CFDP1: variants seen among roughly 807,000 people sequenced by gnomAD.
CFDP1 encodes the protein heterochromatin-stabilizing protein CFDP1.
CFDP1 carries 31 observed loss-of-function variants against 40.1 expected under a neutral mutation model. The ratio of observed to expected loss-of-function variants is 0.77; its 90% CI spans 0.58 to 1.04. The LOEUF (loss-of-function observed/expected upper bound fraction) is 1.04. CFDP1 is among the 50% of genes least tolerant of loss of function. The pLI is 0.00. For missense variants in CFDP1, 423 were observed against 343.4 expected (o/e 1.23, Z -1.83); for synonymous variants, 167 against 120.0 (o/e 1.39, Z -2.56).
intron 5 of CFDP1, among the ~76,000 whole-genome samples, chr16:75,354,799 AT>A: frequency 6.6e-6 from 1 of 152,374 alleles, no homozygotes; most frequent in Non-Finnish European, 1.5e-5. Context: ...GGAAATTATA[AT>A]AAAGAGTGGA....
intron 5 of CFDP1, among the ~76,000 whole-genome samples, chr16:75,378,202 A>G (rs756908128): frequency 1.1e-4 from 16 of 152,180 alleles, no homozygotes; most frequent in Admixed American, 2.6e-4. Context: ...CACTTCTACA[A>G]CTAGAGGACA....
chr16:75,294,099 G>T, intron 6 of CFDP1, 57 bp from the exon 7 acceptor site: 1 of 1,293,810 alleles, frequency 7.7e-7, no homozygotes, highest in Non-Finnish European at 1.1e-6. Flanking sequence ...CTCCTCCCCT[G>T]CACAGTCCCA....
In CFDP1 at chr16:75,433,425, A is replaced by C. The variant is rs2079451665; in HGVS notation, c.-73T>G. ...CCTCCAACGGCAAAGCTCTAGGGAGAGACCATAGAGCCCCGGCGGCGGCGA... is the reference window on the plus strand; with the variant it reads ...CCTCCAACGGCAAAGCTCTAGGGAGCGACCATAGAGCCCCGGCGGCGGCGA... On this transcript the variant is annotated 5_prime_UTR_variant, in exon 1 of 7. Coordinates refer to ENST00000283882, the MANE Select transcript of CFDP1 (RefSeq NM_006324.3). 6.9e-7 allele frequency: 1 copy of C among 1,443,154 alleles called. No homozygotes were observed. The highest frequency in any genetic ancestry group is 2.0e-5 in the Admixed American group (1 of 50,808). The allele number at this position is 1,443,154 out of a possible 1,614,324, so 89.4% of individuals were successfully genotyped here. A position where few individuals can be genotyped will look rare whatever the true frequency, so the allele number is the denominator to read the frequency against.
intron 5 of CFDP1, among the ~76,000 whole-genome samples, chr16:75,330,367 A>T (rs1278900519): frequency 6.6e-6 from 1 of 152,232 alleles, no homozygotes; most frequent in East Asian, 1.9e-4. Context: ...CAGGTGGATC[A>T]CTTGAGGTCA....
At chr16:75,300,918 A>AG (rs2151498492) in intron 6 of CFDP1, among the ~76,000 whole-genome samples, 1 of 152,260 alleles carries the variant, frequency 6.6e-6, no homozygotes, top group East Asian at 1.9e-4. Context: ...GGCCCAGGGA[A>AG]GGAAAAAAAG....
chr16:75,345,286 GTC>G (rs1458302952), intron 5 of CFDP1, among the ~76,000 whole-genome samples: 2 of 151,916 alleles, frequency 1.3e-5, no homozygotes, highest in African/African-American at 2.4e-5. Flanking sequence ...GCAAAACCCT[GTC>G]TCTACTAAAA....
At chr16:75,365,806 A>G (rs2078709642) in intron 5 of CFDP1, among the ~76,000 whole-genome samples, 1 of 152,230 alleles carries the variant, frequency 6.6e-6, no homozygotes, top group Non-Finnish European at 1.5e-5. Flanking sequence ...GATACTCAAC[A>G]TCATTAGGCA....
At chr16:75,333,864 C>T (rs2151516517) in intron 5 of CFDP1, among the ~76,000 whole-genome samples, 1 of 152,144 alleles carries the variant, frequency 6.6e-6, no homozygotes, top group Non-Finnish European at 1.5e-5. Flanking sequence ...TTAAGACAGC[C>T]CATTACTTTT....
intron 1 of CFDP1, among the ~76,000 whole-genome samples, chr16:75,425,193 G>C (rs2079323914): frequency 6.6e-6 from 1 of 151,960 alleles, no homozygotes; most frequent in South Asian, 2.1e-4. Flanking sequence ...ATCAAAGTAG[G>C]ATACTTTTTC....
chr16:75,413,383 A>C (rs2079178932), intron 2 of CFDP1, among the ~76,000 whole-genome samples: 1 of 152,034 alleles, frequency 6.6e-6, no homozygotes, highest in Non-Finnish European at 1.5e-5. Context: ...TACTTCATAT[A>C]AACTTTCATC....
intron 5 of CFDP1, among the ~76,000 whole-genome samples, chr16:75,346,722 A>C (rs868404601): frequency 6.0e-3 from 33 of 5,506 alleles, no homozygotes; most frequent in African/African-American, 0.016. Context: ...CTTCCACTCA[A>C]AAAAAAAAAA....
At chr16:75,406,613 A>C (rs1388872473) in intron 4 of CFDP1, 1 of 152,172 alleles carries the variant, frequency 6.6e-6, no homozygotes, top group East Asian at 1.9e-4. Context: ...AGGCAGGAGA[A>C]TGGTCTGAAC....
At chr16:75,362,594 C>A (rs1237490864) in intron 5 of CFDP1, among the ~76,000 whole-genome samples, 1 of 152,184 alleles carries the variant, frequency 6.6e-6, no homozygotes, top group Non-Finnish European at 1.5e-5. Flanking sequence ...CCAATCTCGA[C>A]CTACAACACA....
chr16:75,356,810 A>G (rs968131790), intron 5 of CFDP1, among the ~76,000 whole-genome samples: 1 of 152,106 alleles, frequency 6.6e-6, no homozygotes, highest in East Asian at 1.9e-4. Context: ...ACCTTCATCA[A>G]TTATCTTAGC....
intron 5 of CFDP1, chr16:75,305,391 T>A (rs1032908361): frequency 1.8e-6 from 1 of 552,552 alleles, no homozygotes; most frequent in Non-Finnish European, 3.2e-6. Context: ...CACCACTGTC[T>A]GCTCTCCTGA....
chr16:75,392,294 A>T (rs2078958854), intron 5 of CFDP1, among the ~76,000 whole-genome samples: 1 of 151,570 alleles, frequency 6.6e-6, no homozygotes. Flanking sequence ...AATCCCAGCT[A>T]CTCTGGAGGC....
At chr16:75,298,411 G>A (rs995424136) in intron 6 of CFDP1, among the ~76,000 whole-genome samples, 2 of 152,162 alleles carry the variant, frequency 1.3e-5, no homozygotes, top group African/African-American at 4.8e-5. Context: ...TCAGGAAGAG[G>A]GAGAGCACAT....
chr16:75,387,791 G>A (rs924715478), intron 5 of CFDP1, among the ~76,000 whole-genome samples: 11 of 152,286 alleles, frequency 7.2e-5, no homozygotes, highest in Non-Finnish European at 1.5e-4. Context: ...GCTGCTGACA[G>A]GTATCAATGT....
chr16:75,313,448 G>A (rs1184010370), intron 5 of CFDP1, among the ~76,000 whole-genome samples: 1 of 152,148 alleles, frequency 6.6e-6, no homozygotes, highest in Non-Finnish European at 1.5e-5. Flanking sequence ...TCCTGCCTCA[G>A]CCTCCTGATA....
Sources: allele counts gnomAD v4.1 joint callset (sites outside exome capture counted in the v4.1 genomes callset), GRCh38; gene constraint gnomAD v4.1.1; transcripts MANE v1.5; gene names NCBI Gene and HGNC (gene_info 2026-07-23, HGNC 2026-07-21).